Variants in MBD5 observed in about 807,000 individuals in gnomAD.
MBD5 encodes the protein methyl-CpG-binding domain protein 5.
Under a neutral mutation model 117.3 loss-of-function variants are expected in MBD5, and 13 were observed. That is an observed-to-expected ratio of 0.11 (90% confidence interval 0.07 to 0.18). The LOEUF (loss-of-function observed/expected upper bound fraction) is 0.18. MBD5 is among the 10% of genes least tolerant of loss of function. The probability of loss-of-function intolerance (pLI) is 1.00; values close to 1 mark genes in which losing one functional copy is unlikely to be tolerated. For synonymous variants in MBD5, 727 were observed against 766.4 expected (o/e 0.95, Z 0.85); for missense variants, 1,879 against 2,093.8 (o/e 0.90, Z 2.00).
chr2:148,095,472 G>C (rs1306219119), intron 1 of MBD5, among the ~76,000 whole-genome samples: 1 of 152,032 alleles, frequency 6.6e-6, no homozygotes, highest in East Asian at 1.9e-4. Flanking sequence ...CTGTATGTAA[G>C]TAAAAAGTGT....
intron 1 of MBD5, among the ~76,000 whole-genome samples, chr2:148,096,757 A>G (rs947809798): frequency 6.6e-6 from 1 of 152,194 alleles, no homozygotes; most frequent in Non-Finnish European, 1.5e-5. Flanking sequence ...TCTTCTTAAT[A>G]CAACACCCAG....
chr2:148,161,542 C>CT lies in MBD5; in HGVS notation c.-924-17149dup, dbSNP rs979591603. ...ATCCTCCAAATGACTTTAATCCATACTTTTTTTTTCTTAATAGTATCTTCC... is the reference window on the plus strand; with the variant it reads ...ATCCTCCAAATGACTTTAATCCATACTTTTTTTTTTCTTAATAGTATCTTCC... On this transcript the variant is annotated intron_variant, in intron 1 of 13. Coordinates refer to ENST00000642680, the MANE Select transcript of MBD5 (RefSeq NM_001378120.1). Among the ~76,000 whole-genome samples the CT allele has an allele frequency of 3.3e-5, 5 of 151,936 alleles. No individual in the cohort carries two copies. The East Asian group carries it at 7.7e-4, about 23-fold the overall frequency.
At chr2:148,258,720 T>A (rs1410279014) in intron 3 of MBD5, among the ~76,000 whole-genome samples, 1 of 152,212 alleles carries the variant, frequency 6.6e-6, no homozygotes, top group African/African-American at 2.4e-5. Context: ...GAGTACTTCA[T>A]TGGGCTGCTT....
intron 2 of MBD5, among the ~76,000 whole-genome samples, chr2:148,183,400 T>C (rs1433188011): frequency 6.6e-6 from 1 of 152,060 alleles, no homozygotes; most frequent in South Asian, 2.1e-4. Context: ...CTAACAAAAA[T>C]AAATGAAATA....
At chr2:148,283,634 G>T (rs373021656) in intron 3 of MBD5, among the ~76,000 whole-genome samples, 1 of 152,016 alleles carries the variant, frequency 6.6e-6, no homozygotes, top group African/African-American at 2.4e-5. Flanking sequence ...TTCACCGATG[G>T]CCCTATTTTA....
At chr2:148,378,333 T>G (rs1704046327) in intron 4 of MBD5, among the ~76,000 whole-genome samples, 1 of 152,192 alleles carries the variant, frequency 6.6e-6, no homozygotes, top group Non-Finnish European at 1.5e-5. Context: ...TTTTTCACAT[T>G]AACCTCCAAA....
chr2:148,160,171 G>A (rs933501950), intron 1 of MBD5, among the ~76,000 whole-genome samples: 5 of 152,148 alleles, frequency 3.3e-5, no homozygotes, highest in African/African-American at 9.7e-5. Flanking sequence ...AGGCCGAGGC[G>A]GGCAGATCAC....
At chr2:148,110,927 T>C (rs1327321455) in intron 1 of MBD5, among the ~76,000 whole-genome samples, 1 of 152,118 alleles carries the variant, frequency 6.6e-6, no homozygotes, top group Non-Finnish European at 1.5e-5. Flanking sequence ...TTTCTATAGC[T>C]TCTGATTCTT....
chr2:148,389,250 AC>A (rs1704481507), intron 4 of MBD5, among the ~76,000 whole-genome samples: 9 of 29,128 alleles, frequency 3.1e-4, no homozygotes, highest in African/African-American at 8.6e-4. Flanking sequence ...GGAAAAAAAA[AC>A]ATATATATAT....
rs1309398389 is a variant in MBD5 at position 148,061,978 on chromosome 2, C to A, written c.-925+40294C>A. Among the ~76,000 whole-genome samples, 2 of 148,622 alleles carry A rather than the reference C, an allele frequency of 1.3e-5. 1 individual carries two copies. Among genetic ancestry groups the A allele is most frequent in the South Asian group, 4.2e-4 (2 of 4,734 alleles). On this transcript the variant is annotated intron_variant, in intron 1 of 13. Transcript: ENST00000642680. ...TAAAATATATATTCATGTACCTTTT[C>A]TTTACATCTATAGAGGGCTTACTTT...
intron 12 of MBD5, among the ~76,000 whole-genome samples, chr2:148,505,081 T>C (rs969985923): frequency 6.6e-6 from 1 of 151,802 alleles, no homozygotes; most frequent in South Asian, 2.1e-4. Flanking sequence ...GGGATGAGGA[T>C]GGAAAAGAAG....
chr2:148,027,916 T>C (rs181645022), intron 1 of MBD5: 60 of 152,224 alleles, frequency 3.9e-4, no homozygotes, highest in African/African-American at 1.4e-3. Context: ...ATAATTTCTT[T>C]AAACAACCCA....
At chr2:148,283,319 G>A (rs1701294230) in intron 3 of MBD5, among the ~76,000 whole-genome samples, 2 of 152,060 alleles carry the variant, frequency 1.3e-5, no homozygotes, top group African/African-American at 4.8e-5. Flanking sequence ...ACTTTTTGCA[G>A]TAAGGAAAAA....
intron 3 of MBD5, among the ~76,000 whole-genome samples, chr2:148,240,161 G>A (rs544369476): frequency 7.9e-5 from 12 of 152,184 alleles, no homozygotes; most frequent in South Asian, 4.2e-4. Context: ...GCAAACTATC[G>A]CGAGGACAGA....
At chr2:148,189,210 AG>A (rs1216198686) in intron 2 of MBD5, among the ~76,000 whole-genome samples, 13 of 148,116 alleles carry the variant, frequency 8.8e-5, no homozygotes, top group Non-Finnish European at 1.0e-4. Context: ...AGGCTTGCTT[AG>A]GTAAACAAAG....
intron 4 of MBD5, among the ~76,000 whole-genome samples, chr2:148,374,280 C>T (rs1703936533): frequency 6.6e-6 from 1 of 151,052 alleles, no homozygotes; most frequent in African/African-American, 2.4e-5. Context: ...CACACACGAA[C>T]ATGCATATGC....
At chr2:148,259,058 G>T (rs751803107) in intron 3 of MBD5, among the ~76,000 whole-genome samples, 3 of 152,160 alleles carry the variant, frequency 2.0e-5, no homozygotes, top group Non-Finnish European at 4.4e-5. Flanking sequence ...TGAGTATTCA[G>T]GTCAAACATA....
In MBD5 at chr2:148,468,452, T is replaced by C; in HGVS notation, c.509T>C (p.Leu170Ser). Reference sequence around the variant, plus strand: ...CCTGAATGTAAGAATCCTTTCAAGTTAATGATTGGATCATCAAATGCCATG... The same window carrying C: ...CCTGAATGTAAGAATCCTTTCAAGTCAATGATTGGATCATCAAATGCCATG... ...VMPECKNPFK[L>S]MIGSSNAMGR... The change falls in exon 8 of 14, where the codon TTA becomes TCA. Residue 170 changes from leucine to serine, a missense_variant. By Grantham distance (145) the Leu-to-Ser change is moderately radical. Coordinates refer to ENST00000642680, the MANE Select transcript of MBD5 (RefSeq NM_001378120.1). The C allele has an allele frequency of 6.2e-7, 1 of 1,613,798 alleles. No homozygotes were observed. Among genetic ancestry groups the C allele is most frequent in the Non-Finnish European group, 8.5e-7 (1 of 1,179,800 alleles).
rs923281616 is a variant in MBD5, at chr2:148,469,396, G to A, written c.1453G>A (p.Gly485Ser). The A allele has an allele frequency of 1.9e-6, 3 of 1,613,644 alleles. No homozygotes were observed. The African/African-American group carries it at 4.0e-5, about 22-fold the overall frequency. The change falls in exon 8 of 14, where the codon GGT becomes AGT. Residue 485 changes from glycine (G) to serine (S), a missense_variant. Transcript: ENST00000642680. ...PPVGPQATSS[G>S]IKVPPRSPRS... ...TGTAGGACCCCAGGCCACTTCTAGT[G>A]GTATTAAGGTTCCACCCAGGTCACC...
Sources: gnomAD v4.1 joint callset for allele counts (sites outside exome capture counted in the v4.1 genomes callset) on GRCh38, gnomAD v4.1.1 for gene constraint, MANE v1.5 for transcripts, NCBI Gene and HGNC (gene_info 2026-07-23, HGNC 2026-07-21) for gene names.